The following CABP7 variants were observed in gnomAD, a reference collection of about 807,000 sequenced individuals.
The protein encoded by CABP7 is calcium binding protein 7.
A neutral mutation model predicts 23.1 loss-of-function variants in CABP7; 13 were observed. That is an observed-to-expected ratio of 0.56 (90% CI 0.37 to 0.90). The LOEUF is 0.90. Ranked by LOEUF, CABP7 falls within the 40% of genes least tolerant of loss-of-function variation. CABP7 has a pLI of 0.01. For synonymous variants in CABP7, 123 were observed against 115.3 expected (o/e 1.07, Z -0.43); for missense variants, 248 against 295.6 (o/e 0.84, Z 1.18).
chr22:29,731,169 C>T lies in CABP7; in HGVS notation c.*1600C>T. 6.9e-7 allele frequency: 1 copy of T among 1,444,794 alleles called. No individual in the cohort carries two copies. The allele number at this position is 1,444,794 out of a possible 1,614,324, so 89.5% of individuals were successfully genotyped here. On this transcript the variant is annotated 3_prime_UTR_variant, in exon 5 of 5. Transcript: ENST00000216144. ...GCGTAGCAGGAACCGGGCTTGGCTT[C>T]CTATTGTGACTGATGAGAAAAGTGA...
At chr22:29,722,957 G>A (rs1445994279) in intron 1 of CABP7, among the ~76,000 whole-genome samples, 3 of 152,222 alleles carry the variant, frequency 2.0e-5, no homozygotes, top group African/African-American at 2.4e-5. Flanking sequence ...CCAGCCAGGC[G>A]GCGCTGGGTT....
At chr22:29,723,826 A>G (rs1334900761) in intron 1 of CABP7, among the ~76,000 whole-genome samples, 1 of 152,208 alleles carries the variant, frequency 6.6e-6, no homozygotes, top group Non-Finnish European at 1.5e-5. Flanking sequence ...TACCCTCTTC[A>G]GTGACCTCCA....
chr22:29,720,643 G>C lies in CABP7; in HGVS notation c.109+110G>C, dbSNP rs1395843228. On this transcript the variant is annotated intron_variant, in intron 1 of 4. Coordinates refer to ENST00000216144, the MANE Select transcript of CABP7 (RefSeq NM_182527.3). This position sits in a 1 kb window ranked among gnomAD's most constrained non-coding sequence, Gnocchi z 5.2. Reference sequence around the variant, plus strand: ...GGGCGGGGGGCGGTCCGCAGGTGCCGGTTGCCAGGTGGGCGCCCCAGCTAG... The same window carrying C: ...GGGCGGGGGGCGGTCCGCAGGTGCCCGTTGCCAGGTGGGCGCCCCAGCTAG... The C allele has an allele frequency of 3.5e-6, 2 of 566,532 alleles. No individual in the cohort carries two copies. Among genetic ancestry groups the C allele is most frequent in the East Asian group, 7.6e-5 (2 of 26,276 alleles). 35.1% of individuals were successfully genotyped at this position (566,532 alleles called of 1,614,324 possible).
chr22:29,723,527 C>T (rs1355712327), intron 1 of CABP7, among the ~76,000 whole-genome samples: 4 of 152,220 alleles, frequency 2.6e-5, no homozygotes, highest in Non-Finnish European at 5.9e-5. Flanking sequence ...CAAGTCTTAG[C>T]CCTTTCTGGC....
chr22:29,729,387 C>T, intron 4 of CABP7, 55 bp from the exon 5 acceptor site: 8 of 1,597,504 alleles, frequency 5.0e-6, no homozygotes, highest in Non-Finnish European at 6.8e-6. Flanking sequence ...GCTCCTGACT[C>T]CATCGCTTTG....
rs1254951859 is a variant in CABP7, at chr22:29,720,599, CCAGGGG to C, written c.109+68_109+73del. ...CCTGTGCGCCCAGGTGAAGCGCGGG[CCAGGGG>C]CGCGGGGGCGGGGGGCGGGGGGCGG... On this transcript the variant is annotated intron_variant, in intron 1 of 4. Transcript: ENST00000216144. This position sits in a 1 kb window ranked among gnomAD's most constrained non-coding sequence, Gnocchi z 5.2. The C allele has an allele frequency of 1.8e-6, 2 of 1,090,254 alleles. No homozygotes were observed. Among genetic ancestry groups the C allele is most frequent in the African/African-American group, 3.3e-5 (2 of 59,778 alleles). The allele number at this position is 1,090,254 out of a possible 1,614,324, so 67.5% of individuals were successfully genotyped here. A position where few individuals can be genotyped will look rare whatever the true frequency, so the allele number is the denominator to read the frequency against.
rs2067807336 is a variant in CABP7, at chr22:29,727,818, C to A, written c.253+13C>A. On this transcript the variant is annotated intron_variant, in intron 2 of 4. Coordinates refer to ENST00000216144, the MANE Select transcript of CABP7 (RefSeq NM_182527.3). The surrounding 1 kb of genome is among the most constrained non-coding windows in gnomAD (Gnocchi z 4.2). Reference sequence around the variant, plus strand: ...CTGGACATGGATGGTGAGCACCCCCCCGCCTCGGTTTCCCCACCTGGCATC... The same window carrying A: ...CTGGACATGGATGGTGAGCACCCCCACGCCTCGGTTTCCCCACCTGGCATC... 2.5e-6 allele frequency: 4 copies of A among 1,600,716 alleles called. No homozygotes were observed. The highest frequency in any genetic ancestry group is 3.4e-6 in the Non-Finnish European group (4 of 1,172,322).
rs1352185675 is a variant in CABP7 at position 29,729,816 on chromosome 22, T to C, written c.*247T>C. On this transcript the variant is annotated 3_prime_UTR_variant, in exon 5 of 5. Coordinates refer to ENST00000216144, the MANE Select transcript of CABP7 (RefSeq NM_182527.3). ...CCCACCCTGTCCCCACCCTGGCCTG[T>C]AAGGAGCACTCACTCTTCCTACCAT... 1 of 544,736 alleles carries C rather than the reference T, an allele frequency of 1.8e-6. No homozygotes were observed. The highest frequency in any genetic ancestry group is 3.3e-6 in the Non-Finnish European group (1 of 306,934). 33.7% of individuals were successfully genotyped at this position (544,736 alleles called of 1,614,324 possible).
Position 29,727,721 on chromosome 22 carries a change from G to A in CABP7, c.169G>A (p.Glu57Lys). 4 of 1,613,716 alleles carry A rather than the reference G, an allele frequency of 2.5e-6. No individual in the cohort carries two copies. Among genetic ancestry groups the A allele is most frequent in the Non-Finnish European group, 3.4e-6 (4 of 1,179,944 alleles). The change falls in exon 2 of 5, where the codon GAG becomes AAG. Residue 57 changes from glutamate to lysine, a missense_variant. Coordinates refer to ENST00000216144, the MANE Select transcript of CABP7 (RefSeq NM_182527.3). The surrounding 1 kb of genome is among the most constrained non-coding windows in gnomAD (Gnocchi z 4.2). Reference sequence around the variant, plus strand: ...CGGCAATGGCTTCATCTCCAAGCAGGAGCTGGGCACAGCCATGCGCTCACT... The same window carrying A: ...CGGCAATGGCTTCATCTCCAAGCAGAAGCTGGGCACAGCCATGCGCTCACT... ...RDGNGFISKQ[E>K]LGTAMRSLGY...
chr22:29,726,452 A>G (rs906991850), intron 1 of CABP7, among the ~76,000 whole-genome samples: 4 of 152,136 alleles, frequency 2.6e-5, no homozygotes, highest in Admixed American at 2.0e-4. Flanking sequence ...TTCAGGGTTC[A>G]TGGACCCCTT....
chr22:29,731,085 G>C lies in CABP7; in HGVS notation c.*1516G>C. On this transcript the variant is annotated 3_prime_UTR_variant, in exon 5 of 5. Coordinates refer to ENST00000216144, the MANE Select transcript of CABP7 (RefSeq NM_182527.3). ...AGACCCAGGACGAGGGCTGCACTTG[G>C]TGTGGCCGTGTCCTGAGCCTCAGTG... 1 of 895,058 alleles carries C rather than the reference G, an allele frequency of 1.1e-6. No individual in the cohort carries two copies. Among genetic ancestry groups the C allele is most frequent in the Non-Finnish European group, 1.6e-6 (1 of 632,610 alleles). 55.4% of individuals were successfully genotyped at this position (895,058 alleles called of 1,614,324 possible).
In CABP7 at chr22:29,731,492, C is replaced by T. The variant is rs1156523588; in HGVS notation, c.*1923C>T. 9.3e-6 allele frequency: 11 copies of T among 1,184,390 alleles called. No individual in the cohort carries two copies. Among genetic ancestry groups the T allele is most frequent in the African/African-American group, 1.6e-5 (1 of 61,640 alleles). The allele number at this position is 1,184,390 out of a possible 1,614,324, so 73.4% of individuals were successfully genotyped here. The stretch of plus-strand genomic sequence containing the variant: ...ATGACTTTTCTGGAAGGCAGAGCCT[C>T]GAAAATAGGCAGACCGTTTGAGCCA... On this transcript the variant is annotated 3_prime_UTR_variant, in exon 5 of 5. Transcript: ENST00000216144.
Position 29,729,660 on chromosome 22 carries a change from C to G in CABP7, c.*91C>G. ...GCAGACCTCTCCCTTGGCCGGCTCC[C>G]TGGGCCGCCATCTGCGTGTACTTCA... On this transcript the variant is annotated 3_prime_UTR_variant, in exon 5 of 5. Coordinates refer to ENST00000216144, the MANE Select transcript of CABP7 (RefSeq NM_182527.3). The G allele has an allele frequency of 2.0e-6, 3 of 1,519,724 alleles. No homozygotes were observed. The Admixed American group carries it at 5.4e-5, about 27-fold the overall frequency. 94.1% of individuals were successfully genotyped at this position (1,519,724 alleles called of 1,614,324 possible). A position where few individuals can be genotyped will look rare whatever the true frequency, so the allele number is the denominator to read the frequency against.
At chr22:29,728,042 T>C (rs1010312254) in intron 2 of CABP7, among the ~76,000 whole-genome samples, 1 of 152,208 alleles carries the variant, frequency 6.6e-6, no homozygotes, top group African/African-American at 2.4e-5. Context: ...AGATGGCTCC[T>C]TTCACTCTGT....
chr22:29,729,557 T>C lies in CABP7; in HGVS notation c.636T>C (p.Ser212=). 2 of 1,610,828 alleles carry C rather than the reference T, an allele frequency of 1.2e-6. No individual in the cohort carries two copies. Among genetic ancestry groups the C allele is most frequent in the Non-Finnish European group, 1.7e-6 (2 of 1,179,908 alleles). Residue 212 remains serine, a synonymous_variant, in exon 5 of 5, where the codon AGT becomes AGC. Transcript: ENST00000216144. Reference sequence around the variant, plus strand: ...TTGCGGCCAACCAGGTGCTGCGCAGTGGCATGAAGTAGACGCCACCTGGAT... The same window carrying C: ...TTGCGGCCAACCAGGTGCTGCGCAGCGGCATGAAGTAGACGCCACCTGGAT... The part of the protein sequence containing the change: ...MLIAANQVLR[S]GMK
In CABP7 at chr22:29,729,075, G is replaced by A. The variant is rs201255498; in HGVS notation, c.387G>A (p.Thr129=). ...VFWKCDMQKL[T]VDELKRLLYD... ...GCAAGTGCGACATGCAGAAGCTGAC[G>A]GTGGATGAGCTGAAGCGGCTGCTCT... Residue 129 remains threonine (T), a synonymous_variant, in exon 4 of 5, where the codon ACG becomes ACA. Transcript: ENST00000216144. 94 of 1,611,400 alleles carry A rather than the reference G, an allele frequency of 5.8e-5. No homozygotes were observed. The East Asian group carries it at 1.1e-3, about 19-fold the overall frequency.
intron 1 of CABP7, among the ~76,000 whole-genome samples, chr22:29,726,048 A>T (rs916957317): frequency 2.6e-5 from 4 of 152,294 alleles, no homozygotes; most frequent in Admixed American, 2.6e-4. Flanking sequence ...TGGAGTTCCC[A>T]GAGTCCAGGG....
chr22:29,726,083 A>G (rs935915734), intron 1 of CABP7, among the ~76,000 whole-genome samples: 1 of 152,136 alleles, frequency 6.6e-6, no homozygotes, highest in African/African-American at 2.4e-5. Flanking sequence ...TGGCCCTGGC[A>G]CAGACCTCCC....
At chr22:29,722,706 G>T (rs1012787725) in intron 1 of CABP7, among the ~76,000 whole-genome samples, 1 of 152,242 alleles carries the variant, frequency 6.6e-6, no homozygotes, top group Non-Finnish European at 1.5e-5. Flanking sequence ...TGCCCTCTCC[G>T]CCTCTGCAGG....
Sources: allele counts gnomAD v4.1 joint callset (sites outside exome capture counted in the v4.1 genomes callset), GRCh38; gene constraint gnomAD v4.1.1; non-coding constraint Gnocchi (gnomAD v3.1); transcripts MANE v1.5; gene names NCBI Gene and HGNC (gene_info 2026-07-23, HGNC 2026-07-21).